The following DCC variants were observed in gnomAD, a reference collection of about 807,000 sequenced individuals.
DCC encodes the protein DCC netrin 1 receptor.
DCC carries 58 observed loss-of-function variants against 172.5 expected under a neutral mutation model. The ratio of observed to expected loss-of-function variants is 0.34; its 90% CI spans 0.27 to 0.42. The LOEUF (loss-of-function observed/expected upper bound fraction) is 0.42, where lower values mean the gene tolerates loss of function less well. Ranked by LOEUF, DCC falls within the 10% of genes least tolerant of loss-of-function variation. The pLI, the probability that DCC is intolerant of heterozygous loss-of-function variation, is 1.00. For missense variants in DCC, 1,740 were observed against 1,791.0 expected, an observed-to-expected ratio of 0.97 and a Z score of 0.51; for synonymous variants, 709 against 644.5, an observed-to-expected ratio of 1.10 and a Z score of -1.52.
intron 1 of DCC, among the ~76,000 whole-genome samples, chr18:52,364,941 T>C (rs1984780455): frequency 1.3e-5 from 2 of 152,188 alleles, no homozygotes; most frequent in Non-Finnish European, 2.9e-5. Context: ...TTGGGGGACT[T>C]ATGCCTTTTT....
rs771678804 is a variant in DCC, at chr18:53,450,502, C to T, written c.3232C>T (p.Pro1078Ser). Residue 1078 changes from proline (P) to serine (S), a missense_variant and splice_region_variant, in exon 23 of 29, where the codon CCG becomes TCG. Pro to Ser is a moderately conservative substitution (Grantham distance 74). Around this residue, in one of 2 missense-constraint regions of DCC, gnomAD observed 1,732 missense variants for 1,767.4 expected, o/e 0.98. Coordinates refer to ENST00000442544, the MANE Select transcript of DCC (RefSeq NM_005215.4). ...TCCATTTTCCTGTCTTTTCCCAGAG[C>T]CGCCAATTGGACAAATGCACCCCCC... is the stretch of plus-strand genomic sequence containing the variant. The part of the protein sequence containing the change: ...NLIDRSTLNE[P>S]PIGQMHPPHG... The T allele has an allele frequency of 3.1e-6, 5 of 1,613,772 alleles. No homozygotes were observed. The African/African-American group carries it at 5.3e-5, about 17-fold the overall frequency.
At chr18:52,698,215 G>A (rs1409795307) in intron 1 of DCC, among the ~76,000 whole-genome samples, 1 of 152,140 alleles carries the variant, frequency 6.6e-6, no homozygotes, top group East Asian at 1.9e-4. Context: ...TCAAGCCATG[G>A]ATGACTTTTG....
At chr18:53,091,221 T>A (rs961617000) in intron 7 of DCC, among the ~76,000 whole-genome samples, 2 of 151,712 alleles carry the variant, frequency 1.3e-5, no homozygotes, top group African/African-American at 4.8e-5. Flanking sequence ...GCATTATAGA[T>A]CCAAGCAGTT....
intron 1 of DCC, among the ~76,000 whole-genome samples, chr18:52,641,054 T>C (rs1568268981): frequency 6.6e-6 from 1 of 152,014 alleles, no homozygotes; most frequent in Non-Finnish European, 1.5e-5. Context: ...AAGCCAGAAA[T>C]TGAACCAAAT....
intron 27 of DCC, among the ~76,000 whole-genome samples, chr18:53,506,356 G>A (rs1195689217): frequency 6.6e-5 from 10 of 152,132 alleles, no homozygotes; most frequent in African/African-American, 1.7e-4. Context: ...AGGCAGATAC[G>A]ATGAAATAAC....
At chr18:52,694,061 C>G (rs1448114358) in intron 1 of DCC, among the ~76,000 whole-genome samples, 1 of 152,068 alleles carries the variant, frequency 6.6e-6, no homozygotes, top group African/African-American at 2.4e-5. Flanking sequence ...GTTAACATCA[C>G]TAGTAACAAG....
chr18:53,407,453 C>CAT (rs943363184), intron 19 of DCC, among the ~76,000 whole-genome samples: 44 of 143,686 alleles, frequency 3.1e-4, no homozygotes, highest in South Asian at 1.4e-3. Flanking sequence ...AGAATATATA[C>CAT]ATATATATAT....
At chr18:52,388,936 A>G (rs1199890882) in intron 1 of DCC, among the ~76,000 whole-genome samples, 1 of 152,166 alleles carries the variant, frequency 6.6e-6, no homozygotes, top group East Asian at 1.9e-4. Context: ...GGTAAGACCA[A>G]TATGTATTAA....
At position 52,774,657 on chromosome 18, in the gene DCC, G is replaced by A. The variant is rs146158942; in HGVS notation, c.412+22283G>A. ...GTATGGCTTGCTTCTTCAGTGCCCCGCTGCTCACCCCTCTAGGGGAGCATA... is the reference window on the plus strand; with the variant it reads ...GTATGGCTTGCTTCTTCAGTGCCCCACTGCTCACCCCTCTAGGGGAGCATA... On this transcript the variant is annotated intron_variant, in intron 2 of 28. Coordinates refer to ENST00000442544, the MANE Select transcript of DCC (RefSeq NM_005215.4). 1.1e-4 allele frequency among the ~76,000 whole-genome samples: 17 copies of A among 152,128 alleles called. No homozygotes were observed. The East Asian group carries it at 2.7e-3, about 24-fold the overall frequency.
chr18:52,541,873 G>T, intron 1 of DCC, among the ~76,000 whole-genome samples: 1 of 30,036 alleles, frequency 3.3e-5, no homozygotes, highest in African/African-American at 1.2e-4. Flanking sequence ...ATGTGTGTGT[G>T]TGTATATATA....
At chr18:53,514,594 C>A (rs539278840) in intron 27 of DCC, among the ~76,000 whole-genome samples, 1 of 152,058 alleles carries the variant, frequency 6.6e-6, no homozygotes, top group South Asian at 2.1e-4. Context: ...CAAATAGACA[C>A]AATAAAAAAT....
At chr18:52,542,870 G>T (rs1382739298) in intron 1 of DCC, among the ~76,000 whole-genome samples, 1 of 152,098 alleles carries the variant, frequency 6.6e-6, no homozygotes, top group Non-Finnish European at 1.5e-5. Flanking sequence ...CAGGATTGCA[G>T]ATTTATCATA....
chr18:53,075,921 T>C (rs901285208), intron 7 of DCC, among the ~76,000 whole-genome samples: 3 of 152,176 alleles, frequency 2.0e-5, no homozygotes, highest in African/African-American at 7.2e-5. Context: ...TTCCTCTTAC[T>C]CTCAGCTAGC....
chr18:53,197,330 G>T (rs1378390950), intron 9 of DCC, among the ~76,000 whole-genome samples: 1 of 151,318 alleles, frequency 6.6e-6, no homozygotes, highest in Non-Finnish European at 1.5e-5. Context: ...ACAGAATTCT[G>T]ACCTGAATTC....
intron 5 of DCC, among the ~76,000 whole-genome samples, chr18:53,005,377 G>A (rs2041628921): frequency 6.6e-6 from 1 of 152,094 alleles, no homozygotes; most frequent in Admixed American, 6.6e-5. Flanking sequence ...TTTCCTATAT[G>A]GATATTACGT....
intron 2 of DCC, among the ~76,000 whole-genome samples, chr18:52,759,714 G>A (rs919531734): frequency 6.6e-6 from 1 of 152,164 alleles, no homozygotes; most frequent in African/African-American, 2.4e-5. Flanking sequence ...ATAGTAATGT[G>A]AGAGAAAATA....
chr18:53,071,446 C>A (rs2042649890), intron 7 of DCC, among the ~76,000 whole-genome samples: 1 of 152,180 alleles, frequency 6.6e-6, no homozygotes, highest in African/African-American at 2.4e-5. Flanking sequence ...ACAGGAGGTT[C>A]TATCAATAAT....
intron 12 of DCC, among the ~76,000 whole-genome samples, chr18:53,269,643 T>C (rs1051733670): frequency 2.0e-5 from 3 of 152,314 alleles, no homozygotes; most frequent in Admixed American, 2.0e-4. Context: ...TCTATGTATA[T>C]TGTATTGTTG....
intron 1 of DCC, among the ~76,000 whole-genome samples, chr18:52,613,908 G>A (rs2034325050): frequency 6.6e-6 from 1 of 152,128 alleles, no homozygotes; most frequent in Admixed American, 6.5e-5. Flanking sequence ...AGGGCACATG[G>A]AAACACTAGA....
Sources: allele counts gnomAD v4.1 joint callset (sites outside exome capture counted in the v4.1 genomes callset), GRCh38; gene constraint gnomAD v4.1.1; regional missense constraint gnomAD v4.1.1; transcripts MANE v1.5; gene names NCBI Gene and HGNC (gene_info 2026-07-23, HGNC 2026-07-21).